PDS5B: variants seen among roughly 807,000 people sequenced by gnomAD.
The protein encoded by PDS5B is PDS5 cohesin associated factor B, also known as sister chromatid cohesion protein PDS5 homolog B.
A neutral mutation model predicts 184.1 loss-of-function variants in PDS5B; 51 were observed. The ratio of observed to expected loss-of-function variants is 0.28; its 90% CI spans 0.22 to 0.35. The LOEUF is 0.35. Ranked by LOEUF, PDS5B falls within the 10% of genes least tolerant of loss-of-function variation. The pLI, the probability that PDS5B is intolerant of heterozygous loss-of-function variation, is 1.00. For missense variants in PDS5B, 1,180 were observed against 1,723.3 expected (o/e 0.68, Z 5.58); for synonymous variants, 566 against 569.2 (o/e 0.99, Z 0.08).
intron 23 of PDS5B, among the ~76,000 whole-genome samples, chr13:32,743,064 C>T (rs546704534): frequency 1.3e-5 from 2 of 151,596 alleles, no homozygotes; most frequent in African/African-American, 4.8e-5. Flanking sequence ...GGGTGAAAGG[C>T]AACTTATTGA....
At chr13:32,604,555 C>A (rs868058031) in intron 1 of PDS5B, among the ~76,000 whole-genome samples, 1 of 152,266 alleles carries the variant, frequency 6.6e-6, no homozygotes, top group Middle Eastern at 3.4e-3. Flanking sequence ...GTGTCTCTGC[C>A]AGGCTTTGGT....
At position 32,710,003 on chromosome 13, in the gene PDS5B, C is replaced by T. The variant is rs75255247; in HGVS notation, c.2020C>T (p.Leu674=). ...FHSAETFESL[L]ACLKMDDEKV... is the part of the protein sequence containing the mutation. Reference sequence around the variant, plus strand: ...TTCTGCTGAAACATTTGAATCATTACTGGCTTGTCTGAAAATGGATGATGA... The same window carrying T: ...TTCTGCTGAAACATTTGAATCATTATTGGCTTGTCTGAAAATGGATGATGA... The change falls in exon 19 of 35, where the codon CTG becomes TTG. Residue 674 remains leucine, a synonymous_variant. Coordinates refer to ENST00000315596, the MANE Select transcript of PDS5B (RefSeq NM_015032.4). 685 of 1,550,632 alleles carry T rather than the reference C, an allele frequency of 4.4e-4. 6 individuals carry two copies. In the East Asian group the frequency reaches 9.7e-3, roughly 22 times the overall value.
rs199723708 is a variant in PDS5B, at chr13:32,770,155, C to A, written c.3659C>A (p.Thr1220Lys). Residue 1220 changes from threonine to lysine, a missense_variant, in exon 32 of 35, where the codon ACG becomes AAG. Around this residue, in one of 11 missense-constraint regions of PDS5B, gnomAD observed 465 missense variants for 497.8 expected, o/e 0.93. Transcript: ENST00000315596. ...GAGAAGCCTAGAGGCAGGAAAAAAA[C>A]GCCCGTCACAGAACAGGAGGAGAAA... Reference protein sequence around the residue: ...ELEKPRGRKKTPVTEQEEKLG... With the variant: ...ELEKPRGRKKKPVTEQEEKLG... 200 of 1,612,084 alleles carry A rather than the reference C, an allele frequency of 1.2e-4. No individual in the cohort carries two copies. The highest frequency in any genetic ancestry group is 3.7e-4 in the Admixed American group (22 of 59,760).
intron 1 of PDS5B, 149 bp from the exon 2 acceptor site, chr13:32,648,605 T>C (rs532113223): frequency 1.9e-5 from 10 of 530,154 alleles, no homozygotes; most frequent in Non-Finnish European, 2.7e-5. Context: ...AAATGTTCAA[T>C]AGAGTGATTT....
chr13:32,741,210 A>G (rs1953537424), intron 22 of PDS5B, 62 bp downstream of exon 22: 3 of 913,758 alleles, frequency 3.3e-6, no homozygotes, highest in Non-Finnish European at 5.2e-6. Context: ...TATTTGAGGT[A>G]TTAAAATTTC....
intron 23 of PDS5B, among the ~76,000 whole-genome samples, chr13:32,744,420 GTCCTT>G (rs1483045595): frequency 6.6e-6 from 1 of 152,094 alleles, no homozygotes; most frequent in African/African-American, 2.4e-5. Context: ...GGGGGTCTCT[GTCCTT>G]TCCTTAAGTG....
chr13:32,592,284 C>T (rs1188891112), intron 1 of PDS5B, among the ~76,000 whole-genome samples: 3 of 151,992 alleles, frequency 2.0e-5, no homozygotes, highest in Non-Finnish European at 4.4e-5. Flanking sequence ...GACGGAGTTT[C>T]GCACTTGTTG....
chr13:32,720,953 G>GT (rs961287632), intron 19 of PDS5B, among the ~76,000 whole-genome samples: 3 of 152,120 alleles, frequency 2.0e-5, no homozygotes, highest in African/African-American at 7.2e-5. Context: ...AGAGCACGGG[G>GT]TTGGGGGTAA....
rs1460535026 is a variant in PDS5B at position 32,777,087 on chromosome 13, A to G, written c.*2035A>G. The G allele has an allele frequency of 6.6e-6, 1 of 152,052 alleles. No homozygotes were observed. The highest frequency in any genetic ancestry group is 1.5e-5 in the Non-Finnish European group (1 of 67,878). The allele number at this position is 152,052 out of a possible 1,614,324, so 9.4% of individuals were successfully genotyped here. A position where few individuals can be genotyped will look rare whatever the true frequency, so the allele number is the denominator to read the frequency against. On this transcript the variant is annotated 3_prime_UTR_variant, in exon 35 of 35. Transcript: ENST00000315596. ...TAAGGAATAGCTTTGTATTTTTGTC[A>G]TTGATTAAATTGCACCAGAAATGTT...
rs771715623 is a variant in PDS5B, at chr13:32,735,247, C to T, written c.2323C>T (p.Leu775Phe). ...TPLVTIGHIALLAPDQFAAPL... is the reference protein window; with the variant it reads ...TPLVTIGHIAFLAPDQFAAPL... ...ATTGGTTACTATTGGTCATATTGCT[C>T]TCCTTGCACCTGATCAATTTGCTGC... The change falls in exon 21 of 35, where the codon CTC (leucine) becomes TTC (phenylalanine). Residue 775 changes from leucine to phenylalanine, a missense_variant. Around this residue, in one of 11 missense-constraint regions of PDS5B, gnomAD observed 475 missense variants for 691.5 expected, o/e 0.69. Transcript: ENST00000315596. 7.4e-6 allele frequency: 12 copies of T among 1,611,768 alleles called. No individual in the cohort carries two copies. Among genetic ancestry groups the T allele is most frequent in the African/African-American group, 2.7e-5 (2 of 74,880 alleles).
chr13:32,635,823 C>G (rs1207646464), intron 1 of PDS5B, among the ~76,000 whole-genome samples: 1 of 145,538 alleles, frequency 6.9e-6, no homozygotes, highest in Non-Finnish European at 1.5e-5. Flanking sequence ...GCTGGAAGTG[C>G]AGTGGTGCTA....
At position 32,619,783 on chromosome 13, in the gene PDS5B, G is replaced by A. The variant is rs114668523; in HGVS notation, c.-19-28971G>A. On this transcript the variant is annotated intron_variant, in intron 1 of 34. Transcript: ENST00000315596. ...GTAATAATTTTCTCCACATAGGTCT[G>A]AGACATCTTTGGTTAAACATTTTAT... Among the ~76,000 whole-genome samples the A allele has an allele frequency of 9.5e-3, 1,447 of 152,164 alleles. 29 individuals are homozygous for A. Among genetic ancestry groups the A allele is most frequent in the African/African-American group, 0.034 (1,391 of 41,512 alleles).
At chr13:32,678,962 C>A in intron 10 of PDS5B, 33 bp downstream of exon 10, 2 of 1,156,422 alleles carry the variant, frequency 1.7e-6, no homozygotes, top group Non-Finnish European at 1.3e-6. Flanking sequence ...AATATTCTTA[C>A]GTGCTCTTCA....
chr13:32,703,375 C>T (rs183327507), intron 17 of PDS5B, among the ~76,000 whole-genome samples: 1 of 152,030 alleles, frequency 6.6e-6, no homozygotes, highest in Admixed American at 6.6e-5. Flanking sequence ...GACTGAAAAC[C>T]AGGAATAGAT....
intron 16 of PDS5B, 172 bp from the exon 17 acceptor site, chr13:32,701,151 T>C: frequency 2.0e-6 from 1 of 504,678 alleles, no homozygotes; most frequent in African/African-American, 1.9e-5. Flanking sequence ...TATTACCTTT[T>C]TCATATGCTA....
intron 9 of PDS5B, among the ~76,000 whole-genome samples, chr13:32,677,332 TTTAAA>T (rs1298852791): frequency 6.6e-6 from 1 of 152,040 alleles, no homozygotes; most frequent in East Asian, 1.9e-4. Flanking sequence ...TTATTATATC[TTTAAA>T]TTAAGACTTG....
At chr13:32,708,834 C>T (rs1952112324) in intron 18 of PDS5B, among the ~76,000 whole-genome samples, 1 of 151,374 alleles carries the variant, frequency 6.6e-6, no homozygotes, top group Non-Finnish European at 1.5e-5. Flanking sequence ...TTGCTTTTTC[C>T]TGGGACATAT....
intron 33 of PDS5B, 39 bp from the exon 34 acceptor site, chr13:32,773,150 T>G: frequency 6.5e-7 from 1 of 1,541,126 alleles, no homozygotes; most frequent in Non-Finnish European, 8.7e-7. Context: ...TACTGAAAGA[T>G]TGGAACGTTC....
intron 18 of PDS5B, among the ~76,000 whole-genome samples, chr13:32,707,956 C>T (rs183023954): frequency 1.3e-5 from 2 of 152,092 alleles, no homozygotes; most frequent in Admixed American, 1.3e-4. Context: ...TTCCAGAAGA[C>T]ATGCCCACCA....
Sources: allele counts gnomAD v4.1 joint callset (sites outside exome capture counted in the v4.1 genomes callset), GRCh38; gene constraint gnomAD v4.1.1; regional missense constraint gnomAD v4.1.1; transcripts MANE v1.5; gene names NCBI Gene and HGNC (gene_info 2026-07-23, HGNC 2026-07-21).